Variants in CNTN4 observed in about 807,000 individuals in gnomAD.
The protein encoded by CNTN4 is contactin-4.
Under a neutral mutation model 122.5 loss-of-function variants are expected in CNTN4, and 77 were observed. The observed-to-expected ratio is 0.63, with a 90% confidence interval of 0.52 to 0.76. The LOEUF is 0.76. CNTN4 is among the 30% of genes least tolerant of loss of function. The pLI, the probability that CNTN4 is intolerant of heterozygous loss-of-function variation, is 0.00. For missense variants in CNTN4, 1,256 were observed against 1,259.1 expected (o/e 1.00, Z 0.04); for synonymous variants, 512 against 447.0 (o/e 1.15, Z -1.83).
chr3:2,315,279 T>C (rs1020976789), intron 2 of CNTN4, among the ~76,000 whole-genome samples: 7 of 151,948 alleles, frequency 4.6e-5, no homozygotes, highest in African/African-American at 1.4e-4. Flanking sequence ...AAGTGACCAA[T>C]TGATTTAACT....
In CNTN4 at chr3:2,841,990, C is replaced by T. The variant is rs188442552; in HGVS notation, c.454+22409C>T. ...GAAATAAATAAATAAATGAAGCTAG[C>T]TGCCCCCATTTTTTTCAAGAACATG... On this transcript the variant is annotated intron_variant, in intron 7 of 24. Coordinates refer to ENST00000418658, the MANE Select transcript of CNTN4 (RefSeq NM_175607.3). This position sits in a 1 kb window ranked among gnomAD's most constrained non-coding sequence, Gnocchi z 4.8. Among the ~76,000 whole-genome samples the T allele has an allele frequency of 1.2e-3, 182 of 152,198 alleles. 1 individual carries two copies. The Middle Eastern group carries it at 0.017, about 14-fold the overall frequency.
At chr3:2,933,035 G>A (rs891941228) in intron 13 of CNTN4, among the ~76,000 whole-genome samples, 1 of 152,010 alleles carries the variant, frequency 6.6e-6, no homozygotes, top group Non-Finnish European at 1.5e-5. Context: ...TGTTAGCCAG[G>A]ATGGTCTCGA....
At chr3:2,584,866 A>C (rs1340986071) in intron 4 of CNTN4, among the ~76,000 whole-genome samples, 2 of 151,930 alleles carry the variant, frequency 1.3e-5, no homozygotes, top group Admixed American at 1.3e-4. Flanking sequence ...TGTTCTCTAC[A>C]GTGGTAGGTA....
At chr3:2,753,491 G>C (rs1358795140) in intron 6 of CNTN4, among the ~76,000 whole-genome samples, 1 of 152,134 alleles carries the variant, frequency 6.6e-6, no homozygotes, top group African/African-American at 2.4e-5. Context: ...TATTTTATAG[G>C]TGAAGAACAT....
intron 4 of CNTN4, among the ~76,000 whole-genome samples, chr3:2,703,284 A>C (rs2086460078): frequency 6.6e-6 from 1 of 152,152 alleles, no homozygotes; most frequent in South Asian, 2.1e-4. Flanking sequence ...TAAATTAGAC[A>C]TGTTATGGTA....
At chr3:2,157,633 C>A (rs1170660805) in intron 2 of CNTN4, among the ~76,000 whole-genome samples, 3 of 152,178 alleles carry the variant, frequency 2.0e-5, no homozygotes, top group Admixed American at 6.5e-5. Flanking sequence ...CAAAAATGTG[C>A]TTTTGTGAAA....
chr3:3,013,535 G>A (rs1027396926), intron 14 of CNTN4, among the ~76,000 whole-genome samples: 1 of 152,076 alleles, frequency 6.6e-6, no homozygotes, highest in African/African-American at 2.4e-5. Context: ...TGGGAAAATA[G>A]CAGGGTATCC....
At chr3:2,573,911 A>AT (rs1215785449) in intron 4 of CNTN4, among the ~76,000 whole-genome samples, 1 of 152,154 alleles carries the variant, frequency 6.6e-6, no homozygotes, top group East Asian at 1.9e-4. Context: ...CACTCGCTGA[A>AT]TTTTGATTTT....
At chr3:2,356,709 C>G (rs1473041998) in intron 3 of CNTN4, among the ~76,000 whole-genome samples, 1 of 152,090 alleles carries the variant, frequency 6.6e-6, no homozygotes, top group African/African-American at 2.4e-5. Context: ...CTTATTTTAC[C>G]CAGCCCCTAT....
intron 12 of CNTN4, among the ~76,000 whole-genome samples, chr3:2,923,929 G>A (rs759505270): frequency 2.0e-5 from 3 of 151,966 alleles, no homozygotes; most frequent in Non-Finnish European, 2.9e-5. Flanking sequence ...TAGAAGAAAT[G>A]CGTTTATCTC....
chr3:2,281,353 C>G (rs1261654948), intron 2 of CNTN4, among the ~76,000 whole-genome samples: 1 of 152,082 alleles, frequency 6.6e-6, no homozygotes, highest in Non-Finnish European at 1.5e-5. Flanking sequence ...AGTACAGGGA[C>G]TGTCTAGTAA....
rs146731841 is a variant in CNTN4 at position 2,836,344 on chromosome 3, T to C, written c.454+16763T>C. Among the ~76,000 whole-genome samples, 908 of 152,292 alleles carry C rather than the reference T, an allele frequency of 6.0e-3. 11 individuals carry two copies. Among genetic ancestry groups the C allele is most frequent in the African/African-American group, 0.021 (889 of 41,566 alleles). On this transcript the variant is annotated intron_variant, in intron 7 of 24. Transcript: ENST00000418658. Reference sequence around the variant, plus strand: ...GACAAGATGAAAAGCTACCAGTTTATTTTATGGAATGAGAATAATCCTGGC... The same window carrying C: ...GACAAGATGAAAAGCTACCAGTTTACTTTATGGAATGAGAATAATCCTGGC...
chr3:2,156,950 A>C (rs1024722169), intron 2 of CNTN4, among the ~76,000 whole-genome samples: 1 of 152,216 alleles, frequency 6.6e-6, no homozygotes, highest in East Asian at 1.9e-4. Context: ...GGTCATTAAT[A>C]TTTCTCATCT....
At chr3:2,881,110 T>A (rs2093904020) in intron 8 of CNTN4, among the ~76,000 whole-genome samples, 1 of 152,202 alleles carries the variant, frequency 6.6e-6, no homozygotes, top group Non-Finnish European at 1.5e-5. Flanking sequence ...ACATACTTTA[T>A]AGCAAAGTTA....
At chr3:2,717,276 A>C (rs1170977180) in intron 4 of CNTN4, among the ~76,000 whole-genome samples, 4 of 152,074 alleles carry the variant, frequency 2.6e-5, no homozygotes, top group Non-Finnish European at 5.9e-5. Context: ...AAATTGTGCA[A>C]ATAATATGGT....
At chr3:2,966,184 T>C (rs1190716622) in intron 13 of CNTN4, among the ~76,000 whole-genome samples, 1 of 152,192 alleles carries the variant, frequency 6.6e-6, no homozygotes. Context: ...TATCAAATTT[T>C]AAAAATAAAT....
chr3:2,688,815 A>G (rs1023645907), intron 4 of CNTN4, among the ~76,000 whole-genome samples: 1 of 152,158 alleles, frequency 6.6e-6, no homozygotes, highest in East Asian at 1.9e-4. Flanking sequence ...CATCTCCTGA[A>G]CCCAGGCCAG....
chr3:3,050,828 G>A (rs893921141), intron 23 of CNTN4, among the ~76,000 whole-genome samples: 16 of 148,616 alleles, frequency 1.1e-4, no homozygotes, highest in African/African-American at 3.5e-4. Context: ...TGCAGGATCC[G>A]CCACTTACCA....
chr3:2,383,647 C>T (rs1323430779), intron 3 of CNTN4, among the ~76,000 whole-genome samples: 6 of 149,968 alleles, frequency 4.0e-5, no homozygotes, highest in Non-Finnish European at 8.9e-5. Context: ...CTCTCCGCCA[C>T]TCTCTCTTCC....
Sources: gnomAD v4.1 joint callset for allele counts (sites outside exome capture counted in the v4.1 genomes callset) on GRCh38, gnomAD v4.1.1 for gene constraint, Gnocchi (gnomAD v3.1) non-coding constraint, MANE v1.5 for transcripts, NCBI Gene and HGNC (gene_info 2026-07-23, HGNC 2026-07-21) for gene names.